PCDH20: variants seen among roughly 807,000 people sequenced by gnomAD.
PCDH20 encodes the protein protocadherin-20.
PCDH20 carries 18 observed loss-of-function variants against 39.7 expected under a neutral mutation model. The observed-to-expected ratio is 0.45, with a 90% confidence interval of 0.31 to 0.67. The LOEUF (loss-of-function observed/expected upper bound fraction) is 0.67, where lower values mean the gene tolerates loss of function less well. Among genes scored for constraint, PCDH20 ranks in the 30% least tolerant of loss-of-function variants. The pLI, the probability that PCDH20 is intolerant of heterozygous loss-of-function variation, is 0.05. For synonymous variants in PCDH20, 495 were observed against 455.4 expected, an observed-to-expected ratio of 1.09 and a Z score of -1.11; for missense variants, 1,161 against 1,167.4, an observed-to-expected ratio of 0.99 and a Z score of 0.08.
chr13:61,413,858 G>T (rs575490134), exon 2 of PCDH20: 1 of 1,613,248 alleles, frequency 6.2e-7, no homozygotes, highest in Admixed American at 1.7e-5. Flanking sequence ...CTGCCGATGA[G>T]CACCCCCGCG....
Position 61,414,060 on chromosome 13 carries a change from A to C in PCDH20, c.133-94T>G, listed in dbSNP as rs900563865. ...CGCCCCTGTGATCCTTGCTGTCCCCATCCCCGTTCCCAGAAGCAAAACCTC... is the reference window on the plus strand; with the variant it reads ...CGCCCCTGTGATCCTTGCTGTCCCCCTCCCCGTTCCCAGAAGCAAAACCTC... On this transcript the variant is annotated intron_variant, in intron 1 of 1. Coordinates refer to ENST00000409204, the Ensembl canonical transcript of PCDH20. The C allele has an allele frequency of 1.5e-5, 18 of 1,170,980 alleles. No individual in the cohort carries two copies. The Admixed American group carries it at 4.8e-4, about 31-fold the overall frequency. The allele number at this position is 1,170,980 out of a possible 1,614,324, so 72.5% of individuals were successfully genotyped here.
chr13:61,411,522 T>G (rs1390411542), exon 2 of PCDH20: 3 of 1,614,102 alleles, frequency 1.9e-6, no homozygotes, highest in Non-Finnish European at 2.5e-6. Context: ...TCTCTGGTTC[T>G]TTTCTTAAAA....
chr13:61,412,637 A>C, exon 2 of PCDH20: 1 of 1,614,082 alleles, frequency 6.2e-7, no homozygotes, highest in Non-Finnish European at 8.5e-7. Flanking sequence ...GTCTCTAGTA[A>C]ATATTCATTA....
At chr13:61,413,514 C>T in exon 2 of PCDH20, 1 of 1,614,000 alleles carries the variant, frequency 6.2e-7, no homozygotes, top group African/African-American at 1.3e-5. Context: ...TGGCGATCTT[C>T]ACCTTCACAA....
chr13:61,412,532 C>A, exon 2 of PCDH20: 1 of 1,614,142 alleles, frequency 6.2e-7, no homozygotes, highest in East Asian at 2.2e-5. Context: ...AAAAGTTGCA[C>A]TTTAATGACC....
exon 2 of PCDH20, chr13:61,412,298 C>T: frequency 6.2e-7 from 1 of 1,614,108 alleles, no homozygotes; most frequent in Non-Finnish European, 8.5e-7. Context: ...TTTTCTTTCT[C>T]TTCTCGGTCC....
chr13:61,411,528 T>TA lies in PCDH20; in HGVS notation c.2570dup (p.Leu857PhefsTer8). ...CTATATTAATCTCTGGTTCTTTTCT[T>TA]AAAAGACTCTCAATGTAACTCTCAT... On this transcript the variant is annotated frameshift_variant, in exon 2 of 2. Coordinates refer to ENST00000409204, the Ensembl canonical transcript of PCDH20. LOFTEE classifies it high-confidence loss of function. The TA allele has an allele frequency of 6.2e-7, 1 of 1,614,200 alleles. No individual in the cohort carries two copies. The highest frequency in any genetic ancestry group is 8.5e-7 in the Non-Finnish European group (1 of 1,180,034).
At chr13:61,413,835 G>T (rs758326600) in exon 2 of PCDH20, 6 of 1,612,786 alleles carry the variant, frequency 3.7e-6, no homozygotes, top group Admixed American at 1.7e-5. Flanking sequence ...GCAGCCGCAG[G>T]TCCTCGGCCA....
chr13:61,411,164 C>A, exon 2 of PCDH20: 2 of 1,199,268 alleles, frequency 1.7e-6, no homozygotes, highest in Non-Finnish European at 2.4e-6. Context: ...ATTGGAACTG[C>A]CATCAACACA....
At chr13:61,412,296 C>T (rs1467438669) in exon 2 of PCDH20, 1 of 1,613,944 alleles carries the variant, frequency 6.2e-7, no homozygotes, top group Non-Finnish European at 8.5e-7. Flanking sequence ...ACTTTTCTTT[C>T]TCTTCTCGGT....
At chr13:61,409,999 T>A (rs929671119) in exon 2 of PCDH20, 1 of 152,108 alleles carries the variant, frequency 6.6e-6, no homozygotes, top group Admixed American at 6.5e-5. Flanking sequence ...AGCTCTCATA[T>A]AAAATAATAT....
chr13:61,412,359 T>C (rs768564862), exon 2 of PCDH20: 1 of 1,614,196 alleles, frequency 6.2e-7, no homozygotes, highest in South Asian at 1.1e-5. Flanking sequence ...AGGAAAAATA[T>C]GATGGAGCAT....
At chr13:61,415,134 T>C in exon 1 of PCDH20, 1 of 1,495,374 alleles carries the variant, frequency 6.7e-7, no homozygotes, top group Non-Finnish European at 9.0e-7. Context: ...GCCTGTGAGC[T>C]GCGCGCATTC....
chr13:61,414,965 G>A, intron 1 of PCDH20, 62 bp downstream of exon 1: 1 of 1,298,866 alleles, frequency 7.7e-7, no homozygotes, highest in Non-Finnish European at 9.9e-7. Context: ...CATCCGAGTG[G>A]GAATTGCTTC....
At chr13:61,410,964 T>C (rs1249364935) in exon 2 of PCDH20, 7 of 218,790 alleles carry the variant, frequency 3.2e-5, no homozygotes, top group Non-Finnish European at 6.3e-5. Flanking sequence ...TTATCAATCA[T>C]CTGCTTGGTG....
chr13:61,415,280 G>T (rs1166549574), exon 1 of PCDH20: 19 of 1,189,172 alleles, frequency 1.6e-5, no homozygotes, highest in Non-Finnish European at 1.8e-5. Flanking sequence ...AATTAAGGAC[G>T]GGAACTCAAA....
At chr13:61,413,910 G>A in exon 2 of PCDH20, 1 of 1,613,338 alleles carries the variant, frequency 6.2e-7, no homozygotes, top group Non-Finnish European at 8.5e-7. Context: ...CGGTGGCCCG[G>A]CTGTAACTCC....
chr13:61,411,364 C>G, exon 2 of PCDH20: 1 of 1,614,076 alleles, frequency 6.2e-7, no homozygotes, highest in South Asian at 1.1e-5. Context: ...TTTCCTTAAA[C>G]AGATGTATAT....
exon 2 of PCDH20, chr13:61,409,822 A>C (rs1339054407): frequency 2.0e-5 from 3 of 152,118 alleles, no homozygotes; most frequent in Non-Finnish European, 4.4e-5. Context: ...TAACAAGCCC[A>C]TGTTCAAATA....
Sources: allele counts gnomAD v4.1 joint callset, GRCh38; gene constraint gnomAD v4.1.1; transcripts MANE v1.5; gene names NCBI Gene and HGNC (gene_info 2026-07-23, HGNC 2026-07-21).